The following ST3GAL3 variants were observed in gnomAD, a reference collection of about 807,000 sequenced individuals.
The protein encoded by ST3GAL3 is CMP-N-acetylneuraminate-beta-1,4-galactoside alpha-2,3-sialyltransferase.
ST3GAL3 carries 21 observed loss-of-function variants against 50.1 expected under a neutral mutation model. The observed-to-expected ratio is 0.42, with a 90% CI of 0.30 to 0.60. The LOEUF (loss-of-function observed/expected upper bound fraction) is 0.60, where lower values mean the gene tolerates loss of function less well. ST3GAL3 is among the 20% of genes least tolerant of loss of function. ST3GAL3 has a pLI of 0.19. For missense variants in ST3GAL3, 353 were observed against 489.4 expected (o/e 0.72, Z 2.63); for synonymous variants, 183 against 190.0 (o/e 0.96, Z 0.30).
chr1:43,903,527 G>T (rs932411646), intron 9 of ST3GAL3, among the ~76,000 whole-genome samples: 4 of 152,206 alleles, frequency 2.6e-5, no homozygotes, highest in African/African-American at 9.6e-5. Flanking sequence ...AATTCAGTGG[G>T]GCCCTGGGGC....
At chr1:43,861,701 A>G (rs1376118679) in intron 5 of ST3GAL3, among the ~76,000 whole-genome samples, 1 of 152,106 alleles carries the variant, frequency 6.6e-6, no homozygotes, top group African/African-American at 2.4e-5. Context: ...TAGTCCCCCA[A>G]CCTGGAGTGC....
At position 43,930,208 on chromosome 1, in the gene ST3GAL3, G is replaced by A; in HGVS notation, c.1115G>A (p.Ser372Asn). The stretch of plus-strand genomic sequence containing the variant: ...AAAGCTCGCGTCATCACTGATCTAA[G>A]CAGTGGCATCTGAGTGGGCCCAGCA... Reference protein sequence around the residue: ...LVKARVITDLSSGI With the variant: ...LVKARVITDLNSGI Residue 372 changes from serine (S) to asparagine (N), a missense_variant, in exon 12 of 12, where the codon AGC becomes AAC. Transcript: ENST00000347631. The A allele has an allele frequency of 6.2e-7, 1 of 1,613,690 alleles. No individual in the cohort carries two copies.
At chr1:43,779,233 C>T (rs923727692) in intron 2 of ST3GAL3, among the ~76,000 whole-genome samples, 14 of 152,174 alleles carry the variant, frequency 9.2e-5, no homozygotes, top group Non-Finnish European at 1.5e-4. Flanking sequence ...TGAGCCACTG[C>T]GCCCAGCTAG....
chr1:43,720,567 A>G (rs1361716266), intron 1 of ST3GAL3: 1 of 152,166 alleles, frequency 6.6e-6, no homozygotes, highest in East Asian at 1.9e-4. Context: ...AGGGCAAGAG[A>G]GAGTGAGGGA....
intron 2 of ST3GAL3, among the ~76,000 whole-genome samples, chr1:43,761,380 C>G (rs1690267646): frequency 6.6e-6 from 1 of 151,422 alleles, no homozygotes; most frequent in Non-Finnish European, 1.5e-5. Context: ...AGAAATTTAC[C>G]TTGTGTTAAT....
At chr1:43,778,103 AG>A (rs1198499938) in intron 2 of ST3GAL3, among the ~76,000 whole-genome samples, 1 of 152,232 alleles carries the variant, frequency 6.6e-6, no homozygotes, top group African/African-American at 2.4e-5. Flanking sequence ...AGCCATAAAA[AG>A]GAATGAGATC....
chr1:43,860,774 G>A (rs886457206), intron 5 of ST3GAL3, among the ~76,000 whole-genome samples: 4 of 152,200 alleles, frequency 2.6e-5, no homozygotes, highest in Non-Finnish European at 4.4e-5. Context: ...AGGGATGTAG[G>A]CTATGTGGGT....
At chr1:43,713,712 T>C (rs1006958387) in intron 1 of ST3GAL3, among the ~76,000 whole-genome samples, 17 of 152,124 alleles carry the variant, frequency 1.1e-4, no homozygotes, top group Admixed American at 3.9e-4. Context: ...TTTTTTGTGT[T>C]TTTTATAGAG....
chr1:43,756,941 G>T (rs1688346481), intron 2 of ST3GAL3, among the ~76,000 whole-genome samples: 1 of 152,112 alleles, frequency 6.6e-6, no homozygotes, highest in South Asian at 2.1e-4. Flanking sequence ...GTCTCGCTCT[G>T]TCACCCAGGC....
chr1:43,821,490 A>C (rs1283115949), intron 4 of ST3GAL3, among the ~76,000 whole-genome samples: 1 of 152,204 alleles, frequency 6.6e-6, no homozygotes. Flanking sequence ...TTTATGCCAC[A>C]TAATTGAAAG....
At chr1:43,830,470 C>T (rs2063399592) in intron 4 of ST3GAL3, among the ~76,000 whole-genome samples, 1 of 152,198 alleles carries the variant, frequency 6.6e-6, no homozygotes, top group Non-Finnish European at 1.5e-5. Flanking sequence ...GGAAGATACA[C>T]TGGTTTGTAC....
chr1:43,829,752 C>T (rs765142067), intron 4 of ST3GAL3, among the ~76,000 whole-genome samples: 1 of 152,174 alleles, frequency 6.6e-6, no homozygotes, highest in Non-Finnish European at 1.5e-5. Flanking sequence ...CCCAAGACCA[C>T]TTTAAATTGT....
intron 5 of ST3GAL3, chr1:43,842,139 T>C (rs1187479262): frequency 6.6e-6 from 1 of 152,226 alleles, no homozygotes; most frequent in African/African-American, 2.4e-5. Context: ...CTAGATTTCA[T>C]TGGCCATATC....
At position 43,736,084 on chromosome 1, in the gene ST3GAL3, G is replaced by A. The variant is rs992878322; in HGVS notation, c.-30-149G>A. 10 of 710,180 alleles carry A rather than the reference G, an allele frequency of 1.4e-5. No homozygotes were observed. The Admixed American group carries it at 2.2e-4, about 16-fold the overall frequency. 44.0% of individuals were successfully genotyped at this position (710,180 alleles called of 1,614,324 possible). A position where few individuals can be genotyped will look rare whatever the true frequency, so the allele number is the denominator to read the frequency against. On this transcript the variant is annotated intron_variant, in intron 1 of 11. Transcript: ENST00000347631. ...ATGATGAAGCTGTTTTTTGAGATGG[G>A]GATGAGCAGGTTAGAAGATGCCATG...
At chr1:43,854,831 C>G (rs189114320) in intron 5 of ST3GAL3, among the ~76,000 whole-genome samples, 2 of 152,304 alleles carry the variant, frequency 1.3e-5, no homozygotes, top group East Asian at 1.9e-4. Flanking sequence ...TTTCCCTTCC[C>G]CTCTTAACCA....
At chr1:43,859,480 AC>A (rs1365030392) in intron 5 of ST3GAL3, among the ~76,000 whole-genome samples, 1 of 151,778 alleles carries the variant, frequency 6.6e-6, no homozygotes, top group Non-Finnish European at 1.5e-5. Flanking sequence ...AATCGCTTGA[AC>A]CTGGGAGGCG....
chr1:43,777,310 A>G (rs1205706637), intron 2 of ST3GAL3, among the ~76,000 whole-genome samples: 6 of 152,192 alleles, frequency 3.9e-5, no homozygotes, highest in African/African-American at 1.4e-4. Context: ...TTTTGAGCTC[A>G]TATAGCCAAG....
At chr1:43,833,786 C>A (rs1357690736) in intron 4 of ST3GAL3, among the ~76,000 whole-genome samples, 1 of 152,052 alleles carries the variant, frequency 6.6e-6, no homozygotes, top group African/African-American at 2.4e-5. Flanking sequence ...TGGCGCAGGT[C>A]CACAGGGGGA....
chr1:43,860,505 T>C (rs1488384771), intron 5 of ST3GAL3, among the ~76,000 whole-genome samples: 1 of 152,250 alleles, frequency 6.6e-6, no homozygotes, highest in Non-Finnish European at 1.5e-5. Context: ...CAAGGAAAGC[T>C]GTTGGCAAAG....
Sources: allele counts gnomAD v4.1 joint callset (sites outside exome capture counted in the v4.1 genomes callset), GRCh38; gene constraint gnomAD v4.1.1; transcripts MANE v1.5; gene names NCBI Gene and HGNC (gene_info 2026-07-23, HGNC 2026-07-21).